Variants in NCBP3 observed in about 807,000 individuals in gnomAD.
The protein encoded by NCBP3 is nuclear cap binding subunit 3, also known as nuclear cap-binding protein subunit 3.
Under a neutral mutation model 75.7 loss-of-function variants are expected in NCBP3, and 20 were observed. The observed-to-expected ratio is 0.26, with a 90% confidence interval of 0.19 to 0.38. NCBP3 has a LOEUF of 0.38. NCBP3 is among the 10% of genes least tolerant of loss of function. The probability of loss-of-function intolerance (pLI) is 1.00; values close to 1 mark genes in which losing one functional copy is unlikely to be tolerated. For synonymous variants in NCBP3, 293 were observed against 290.5 expected, an observed-to-expected ratio of 1.01 and a Z score of -0.09; for missense variants, 678 against 796.9, an observed-to-expected ratio of 0.85 and a Z score of 1.80.
At chr17:3,824,466 G>GATAC (rs927480061) in intron 7 of NCBP3, 1 of 152,056 alleles carries the variant, frequency 6.6e-6, no homozygotes, top group Non-Finnish European at 1.5e-5. Flanking sequence ...ACATACACGC[G>GATAC]ATACATACAT....
chr17:3,807,611 A>G lies in NCBP3; in HGVS notation c.*5433T>C, dbSNP rs1395231593. Reference sequence around the variant, plus strand: ...AGGATACAGAGATAACACCACAAAGAAACTTGCTCATTAGGAGCTTGCTTA... The same window carrying G: ...AGGATACAGAGATAACACCACAAAGGAACTTGCTCATTAGGAGCTTGCTTA... On this transcript the variant is annotated 3_prime_UTR_variant, in exon 13 of 13. Coordinates refer to ENST00000389005, the MANE Select transcript of NCBP3 (RefSeq NM_001114118.3). 1 of 152,216 alleles carries G rather than the reference A, an allele frequency of 6.6e-6. No individual in the cohort carries two copies. The allele number at this position is 152,216 out of a possible 1,614,324, so 9.4% of individuals were successfully genotyped here.
intron 8 of NCBP3, among the ~76,000 whole-genome samples, chr17:3,821,747 T>G (rs755099179): frequency 7.2e-5 from 11 of 152,152 alleles, no homozygotes; most frequent in Non-Finnish European, 1.5e-4. Flanking sequence ...CAACTACACG[T>G]TGACACAATG....
intron 4 of NCBP3, among the ~76,000 whole-genome samples, chr17:3,827,984 T>C (rs1198166378): frequency 6.6e-6 from 1 of 152,240 alleles, no homozygotes; most frequent in Admixed American, 6.5e-5. Flanking sequence ...AGTGGCACTA[T>C]CTTGGCTCAC....
In NCBP3 at chr17:3,811,436, C is replaced by G. The variant is rs2053411832; in HGVS notation, c.*1608G>C. 6.6e-6 allele frequency: 1 copy of G among 152,158 alleles called. No homozygotes were observed. The highest frequency in any genetic ancestry group is 1.5e-5 in the Non-Finnish European group (1 of 68,038). 9.4% of individuals were successfully genotyped at this position (152,158 alleles called of 1,614,324 possible). A position where few individuals can be genotyped will look rare whatever the true frequency, so the allele number is the denominator to read the frequency against. On this transcript the variant is annotated 3_prime_UTR_variant, in exon 13 of 13. Coordinates refer to ENST00000389005, the MANE Select transcript of NCBP3 (RefSeq NM_001114118.3). ...TCTTTCCTAGAATCCTAATAAGAAG[C>G]TGAAATATATCATGGTTATATCCTC...
chr17:3,834,832 CA>C (rs34968348), intron 3 of NCBP3, among the ~76,000 whole-genome samples: 76,713 of 146,338 alleles, frequency 0.52, 19,514 homozygotes, highest in East Asian at 0.62. Context: ...GTGGATGAAA[CA>C]AAAAAAAAAA....
chr17:3,812,498 G>A lies in NCBP3; in HGVS notation c.*546C>T. The A allele has an allele frequency of 1.0e-6, 1 of 992,108 alleles. No individual in the cohort carries two copies. The highest frequency in any genetic ancestry group is 1.1e-4 in the East Asian group (1 of 8,938). The allele number at this position is 992,108 out of a possible 1,614,324, so 61.5% of individuals were successfully genotyped here. A position where few individuals can be genotyped will look rare whatever the true frequency, so the allele number is the denominator to read the frequency against. On this transcript the variant is annotated 3_prime_UTR_variant, in exon 13 of 13. Transcript: ENST00000389005. ...AATGCTGCAGCTCTTATCTACCTGG[G>A]CGGCACTGGTGCACCTCTGAGGTCA...
At chr17:3,820,693 G>A (rs560684303) in intron 9 of NCBP3, among the ~76,000 whole-genome samples, 1 of 152,330 alleles carries the variant, frequency 6.6e-6, no homozygotes, top group South Asian at 2.1e-4. Flanking sequence ...AGCACTCTGG[G>A]AGGCCAAAGT....
chr17:3,826,072 C>T lies in NCBP3; in HGVS notation c.610+15G>A. 6.5e-7 allele frequency: 1 copy of T among 1,549,632 alleles called. No homozygotes were observed. The highest frequency in any genetic ancestry group is 8.7e-7 in the Non-Finnish European group (1 of 1,145,984). On this transcript the variant is annotated intron_variant, in intron 5 of 12. Transcript: ENST00000389005. The stretch of plus-strand genomic sequence containing the variant: ...GAGGACTTTCAGACCCCAGTTCCCT[C>T]CTTTGTGTTGTTACCTTTTTTCCTT...
intron 3 of NCBP3, among the ~76,000 whole-genome samples, chr17:3,832,491 T>G (rs560278706): frequency 8.5e-6 from 1 of 118,186 alleles, no homozygotes; most frequent in African/African-American, 2.6e-5. Flanking sequence ...ATTAGCCAGG[T>G]GTGGTGGCAG....
At position 3,846,005 on chromosome 17, in the gene NCBP3, G is replaced by T. The variant is rs184645264; in HGVS notation, c.183+36C>A. The T allele has an allele frequency of 4.4e-5, 68 of 1,533,620 alleles. 2 individuals are homozygous for T. In the East Asian group the frequency reaches 1.8e-3, roughly 40 times the overall value. ...CCCTCCGGCGCTAGACACTAGCCCC[G>T]CGACCTCTTCCTTACCCCCCGACCC... On this transcript the variant is annotated intron_variant, in intron 1 of 12. Coordinates refer to ENST00000389005, the MANE Select transcript of NCBP3 (RefSeq NM_001114118.3). This position sits in a 1 kb window ranked among gnomAD's most constrained non-coding sequence, Gnocchi z 4.6.
At chr17:3,832,479 C>A (rs8068328) in intron 3 of NCBP3, among the ~76,000 whole-genome samples, 59,249 of 109,862 alleles carry the variant, frequency 0.54, 21,965 homozygotes, top group Non-Finnish European at 0.61. Context: ...AAATACAAAA[C>A]AATTAGCCAG....
rs1448138560 is a variant in NCBP3 at position 3,821,985 on chromosome 17, A to G, written c.864T>C (p.Tyr288=). The G allele has an allele frequency of 3.7e-6, 6 of 1,613,066 alleles. 1 individual carries two copies. Among genetic ancestry groups the G allele is most frequent in the Non-Finnish European group, 1.7e-6 (2 of 1,179,382 alleles). Residue 288 remains tyrosine (Y), a synonymous_variant, in exon 8 of 13, where the codon TAT becomes TAC. Transcript: ENST00000389005. ...TGCTAAGAATTCCTTTCATGCCTCC[A>G]TAATTTGGATTCCCATATTTCATGT... The part of the protein sequence containing the change: ...QYYMKYGNPN[Y]GGMKGILSNS...
intron 4 of NCBP3, among the ~76,000 whole-genome samples, chr17:3,827,358 C>T (rs2053807178): frequency 6.6e-6 from 1 of 152,148 alleles, no homozygotes; most frequent in Admixed American, 6.5e-5. Context: ...ACAGGGAAGC[C>T]CTTTGCTGCT....
rs200970703 is a variant in NCBP3, at chr17:3,830,531, G to T, written c.356-1163C>A. On this transcript the variant is annotated intron_variant, in intron 3 of 12. Transcript: ENST00000389005. ...CACACTGATAACTGCTGTTACTTCT[G>T]AGGAGGCAGAAAGGTTGAAGGCTAT... is the stretch of plus-strand genomic sequence containing the variant. Among the ~76,000 whole-genome samples the T allele has an allele frequency of 1.3e-3, 203 of 152,314 alleles. 1 individual carries two copies. Among genetic ancestry groups the T allele is most frequent in the African/African-American group, 4.7e-3 (197 of 41,576 alleles).
chr17:3,820,935 A>AC (rs931910328), intron 9 of NCBP3, among the ~76,000 whole-genome samples: 5 of 152,180 alleles, frequency 3.3e-5, no homozygotes, highest in African/African-American at 1.2e-4. Context: ...GTCTTAAAAA[A>AC]AAAAAAAAAA....
chr17:3,844,546 G>A (rs961041697), intron 1 of NCBP3, among the ~76,000 whole-genome samples: 3 of 152,146 alleles, frequency 2.0e-5, no homozygotes, highest in Non-Finnish European at 2.9e-5. Flanking sequence ...GGTACATAGC[G>A]GGGGATGCAA....
Position 3,822,007 on chromosome 17 carries a change from A to G in NCBP3, c.842T>C (p.Met281Thr), listed in dbSNP as rs1346687169. ...LGAARRSQYY[M>T]KYGNPNYGGM... is the part of the protein sequence containing the mutation. ...TCCATAATTTGGATTCCCATATTTC[A>G]TGTAATACTGACTTCTTCTGGCTGC... The change falls in exon 8 of 13, where the codon ATG becomes ACG. Residue 281 changes from methionine (M) to threonine (T), a missense_variant. This residue lies in a region of NCBP3 where 38 missense variants were observed against 78.9 expected (regional missense o/e 0.48). Transcript: ENST00000389005. The G allele has an allele frequency of 1.9e-6, 3 of 1,613,288 alleles. No homozygotes were observed. The highest frequency in any genetic ancestry group is 2.5e-6 in the Non-Finnish European group (3 of 1,179,668).
intron 10 of NCBP3, among the ~76,000 whole-genome samples, chr17:3,817,756 G>T (rs1182136834): frequency 2.0e-5 from 3 of 152,158 alleles, no homozygotes; most frequent in African/African-American, 7.2e-5. Context: ...TAGTGCAATT[G>T]TAAGAAAATA....
In NCBP3 at chr17:3,825,485, C is replaced by T. The variant is rs112860147; in HGVS notation, c.687+282G>A. Reference sequence around the variant, plus strand: ...AGTACATAATCCATTAGGAAGTATGCCATTACTTGCTGTTTCTTCATTTTA... The same window carrying T: ...AGTACATAATCCATTAGGAAGTATGTCATTACTTGCTGTTTCTTCATTTTA... On this transcript the variant is annotated intron_variant, in intron 6 of 12. Coordinates refer to ENST00000389005, the MANE Select transcript of NCBP3 (RefSeq NM_001114118.3). Among the ~76,000 whole-genome samples, 75 of 152,260 alleles carry T rather than the reference C, an allele frequency of 4.9e-4. 1 individual carries two copies. The highest frequency in any genetic ancestry group is 1.7e-3 in the African/African-American group (72 of 41,548).
Sources: allele counts gnomAD v4.1 joint callset (sites outside exome capture counted in the v4.1 genomes callset), GRCh38; gene constraint gnomAD v4.1.1; regional missense constraint gnomAD v4.1.1; non-coding constraint Gnocchi (gnomAD v3.1); transcripts MANE v1.5; gene names NCBI Gene and HGNC (gene_info 2026-07-23, HGNC 2026-07-21).